SOX5: variants seen among roughly 807,000 people sequenced by gnomAD.
The protein encoded by SOX5 is transcription factor SOX-5.
Under a neutral mutation model 92.0 loss-of-function variants are expected in SOX5, and 9 were observed. The observed-to-expected ratio is 0.10, with a 90% CI of 0.06 to 0.17. The LOEUF (loss-of-function observed/expected upper bound fraction) is 0.17, where lower values mean the gene tolerates loss of function less well. Ranked by LOEUF, SOX5 falls within the 10% of genes least tolerant of loss-of-function variation. The pLI, the probability that SOX5 is intolerant of heterozygous loss-of-function variation, is 1.00. For synonymous variants in SOX5, 344 were observed against 336.3 expected (o/e 1.02, Z -0.25); for missense variants, 642 against 944.5 (o/e 0.68, Z 4.20).
At chr12:24,148,501 A>G (rs1474701397) in intron 4 of SOX5, among the ~76,000 whole-genome samples, 2 of 141,556 alleles carry the variant, frequency 1.4e-5, no homozygotes, top group Admixed American at 7.2e-5. Context: ...AAAAAAAAAA[A>G]AAAGAGAGAG....
chr12:23,666,712 C>G (rs1311225222), intron 6 of SOX5, among the ~76,000 whole-genome samples: 2 of 152,084 alleles, frequency 1.3e-5, no homozygotes, highest in East Asian at 1.9e-4. Context: ...AGAAACTGAG[C>G]TAGGCAGTAG....
chr12:23,759,763 G>A (rs1594133810), intron 3 of SOX5, among the ~76,000 whole-genome samples: 1 of 152,044 alleles, frequency 6.6e-6, no homozygotes, highest in African/African-American at 2.4e-5. Flanking sequence ...AATTATGTAA[G>A]TGTAAGTGCT....
chr12:23,817,667 T>C (rs1298188115), intron 3 of SOX5, among the ~76,000 whole-genome samples: 2 of 152,210 alleles, frequency 1.3e-5, no homozygotes, highest in African/African-American at 2.4e-5. Context: ...TAATAAAATG[T>C]CTATCAATAT....
intron 1 of SOX5, among the ~76,000 whole-genome samples, chr12:24,452,226 C>T (rs1037777028): frequency 1.7e-4 from 26 of 152,204 alleles, no homozygotes; most frequent in Non-Finnish European, 3.2e-4. Flanking sequence ...GCTTCCTTCC[C>T]TACCAAATAC....
chr12:23,582,360 T>TA lies in SOX5; in HGVS notation c.1165-6523dup, dbSNP rs1950163308. The TA allele has an allele frequency of 4.8e-6, 4 of 834,472 alleles. No individual in the cohort carries two copies. In the South Asian group the frequency reaches 1.6e-4, roughly 34 times the overall value. The allele number at this position is 834,472 out of a possible 1,614,324, so 51.7% of individuals were successfully genotyped here. ...GGAAGTGTACCTGCTGAGCAGAACT[T>TA]AAAGGAGAAAAGGTTTATATTTACG... On this transcript the variant is annotated intron_variant, in intron 9 of 14. Coordinates refer to ENST00000451604, the MANE Select transcript of SOX5 (RefSeq NM_006940.6).
At chr12:24,279,616 T>TA (rs898380039) in intron 2 of SOX5, among the ~76,000 whole-genome samples, 11 of 151,242 alleles carry the variant, frequency 7.3e-5, no homozygotes, top group Admixed American at 2.6e-4. Context: ...AAAATTTTCT[T>TA]AAAAAAAAAC....
chr12:23,641,355 T>C lies in SOX5; in HGVS notation c.932-458A>G, dbSNP rs924865865. Among the ~76,000 whole-genome samples, 6 of 152,332 alleles carry C rather than the reference T, an allele frequency of 3.9e-5. No individual in the cohort carries two copies. The South Asian group carries it at 1.0e-3, about 26-fold the overall frequency. ...ATCTTTGAAATGCTATGTTACGGTC[T>C]TGATTCAAATAATCTTAATCTCTTA... is the stretch of plus-strand genomic sequence containing the variant. On this transcript the variant is annotated intron_variant, in intron 7 of 14. Coordinates refer to ENST00000451604, the MANE Select transcript of SOX5 (RefSeq NM_006940.6).
At chr12:24,095,659 A>T (rs769172567) in intron 4 of SOX5, among the ~76,000 whole-genome samples, 5 of 152,060 alleles carry the variant, frequency 3.3e-5, no homozygotes, top group Non-Finnish European at 4.4e-5. Flanking sequence ...CCCAAATCTC[A>T]TCTTGAATTG....
At chr12:24,440,762 G>GT (rs1940411800) in intron 1 of SOX5, among the ~76,000 whole-genome samples, 4 of 152,112 alleles carry the variant, frequency 2.6e-5, no homozygotes, top group Non-Finnish European at 5.9e-5. Flanking sequence ...TCAAGGAGAG[G>GT]TGAGGCAAAG....
At chr12:24,401,058 A>G (rs1200885585) in intron 1 of SOX5, among the ~76,000 whole-genome samples, 1 of 152,180 alleles carries the variant, frequency 6.6e-6, no homozygotes, top group Non-Finnish European at 1.5e-5. Context: ...ATAGTGTAAA[A>G]AATGCACTTT....
chr12:24,518,688 T>C (rs1445152000), intron 1 of SOX5, among the ~76,000 whole-genome samples: 1 of 152,180 alleles, frequency 6.6e-6, no homozygotes, highest in Non-Finnish European at 1.5e-5. Flanking sequence ...TGCGCCAAGA[T>C]ATCACACATA....
intron 4 of SOX5, among the ~76,000 whole-genome samples, chr12:24,151,188 G>C (rs898656858): frequency 2.0e-5 from 3 of 152,116 alleles, no homozygotes; most frequent in African/African-American, 7.2e-5. Flanking sequence ...GGAAAATCGG[G>C]ATAATAAGAA....
At chr12:24,095,128 C>CACAGAGAGAGAG (rs1345578614) in intron 4 of SOX5, among the ~76,000 whole-genome samples, 1 of 90,214 alleles carries the variant, frequency 1.1e-5, no homozygotes, top group Non-Finnish European at 2.3e-5. Flanking sequence ...CACACACACA[C>CACAGAGAGAGAG]AGAGAGAGAG....
intron 3 of SOX5, among the ~76,000 whole-genome samples, chr12:23,774,941 T>C (rs2095051807): frequency 6.6e-6 from 1 of 152,212 alleles, no homozygotes; most frequent in Admixed American, 6.5e-5. Flanking sequence ...TGATGCTCTT[T>C]TAAAATATTC....
At chr12:24,003,361 T>C (rs4409931) in intron 4 of SOX5, among the ~76,000 whole-genome samples, 2,080 of 152,076 alleles carry the variant, frequency 0.014, 50 homozygotes, top group South Asian at 0.063. Context: ...GAAAGTAAGA[T>C]GTAAAACTGT....
At chr12:24,218,691 A>T (rs1959653931) in intron 3 of SOX5, among the ~76,000 whole-genome samples, 2 of 152,182 alleles carry the variant, frequency 1.3e-5, no homozygotes, top group South Asian at 4.1e-4. Context: ...ACAAAAACAC[A>T]TCAACTTAGT....
intron 2 of SOX5, among the ~76,000 whole-genome samples, chr12:24,362,706 C>G (rs1473613427): frequency 6.6e-6 from 1 of 152,072 alleles, no homozygotes; most frequent in Non-Finnish European, 1.5e-5. Context: ...TAATATTAAC[C>G]TGGCTGGTCA....
In SOX5 at chr12:23,543,338, C is replaced by A. The variant is rs1481780725; in HGVS notation, c.1644G>T (p.Gly548=). Reference sequence around the variant, plus strand: ...TTATGTGGGGTTCATTGCTACCACGCCCTCGGGATTCCCTATAAATTCTTG... The same window carrying A: ...TTATGTGGGGTTCATTGCTACCACGACCTCGGGATTCCCTATAAATTCTTG... ...SESRIYRESR[G]RGSNEPHIKR... is the part of the protein sequence containing the mutation. Residue 548 remains glycine (G), a synonymous_variant, in exon 13 of 15, where the codon GGG becomes GGT. Transcript: ENST00000451604. The A allele has an allele frequency of 6.2e-7, 1 of 1,613,808 alleles. No homozygotes were observed. Among genetic ancestry groups the A allele is most frequent in the Non-Finnish European group, 8.5e-7 (1 of 1,179,832 alleles).
chr12:24,136,132 A>C (rs1950084229), intron 4 of SOX5, among the ~76,000 whole-genome samples: 1 of 152,222 alleles, frequency 6.6e-6, no homozygotes, highest in South Asian at 2.1e-4. Flanking sequence ...AATCTAAGAG[A>C]GATTATAAGT....
Sources: allele counts gnomAD v4.1 joint callset (sites outside exome capture counted in the v4.1 genomes callset), GRCh38; gene constraint gnomAD v4.1.1; transcripts MANE v1.5; gene names NCBI Gene and HGNC (gene_info 2026-07-23, HGNC 2026-07-21).